ARID3C: variants seen among roughly 807,000 people sequenced by gnomAD.
The protein encoded by ARID3C is AT-rich interaction domain 3C.
ARID3C carries 42 observed loss-of-function variants against 37.9 expected under a neutral mutation model. The observed-to-expected ratio is 1.11, with a 90% confidence interval of 0.87 to 1.43. The LOEUF (loss-of-function observed/expected upper bound fraction) is 1.43. Ranked by LOEUF, ARID3C falls within the 40% of genes most tolerant of loss-of-function variation. ARID3C has a pLI of 0.00. For missense variants in ARID3C, 581 were observed against 548.8 expected (o/e 1.06, Z -0.59); for synonymous variants, 213 against 228.0 (o/e 0.93, Z 0.59).
chr9:34,625,729 T>A lies in ARID3C; in HGVS notation c.391+13A>T. On this transcript the variant is annotated intron_variant, in intron 2 of 6. Transcript: ENST00000378909. The stretch of plus-strand genomic sequence containing the variant: ...GCAATTCCAGGGCCCTTCCCCCACA[T>A]CATGCCACTCACCCCTCTTTTGCAT... The A allele has an allele frequency of 6.2e-7, 1 of 1,613,626 alleles. No homozygotes were observed. Among genetic ancestry groups the A allele is most frequent in the Middle Eastern group, 1.7e-4 (1 of 6,030 alleles).
upstream of ARID3C, among the ~76,000 whole-genome samples, chr9:34,632,418 A>T (rs1820730228): frequency 6.6e-6 from 1 of 152,192 alleles, no homozygotes; most frequent in Non-Finnish European, 1.5e-5. Flanking sequence ...GCCTTGGAGT[A>T]GGCCCTTGTA....
intron 2 of ARID3C, 143 bp from the exon 4 acceptor site, chr9:34,624,190 G>T: frequency 4.4e-6 from 4 of 902,972 alleles, no homozygotes; most frequent in Non-Finnish European, 4.7e-6. Context: ...CAGGGTCTCT[G>T]TTTTAGCAAG....
chr9:34,629,792 A>G (rs1452636651), upstream of ARID3C, among the ~76,000 whole-genome samples: 1 of 151,572 alleles, frequency 6.6e-6, no homozygotes, highest in East Asian at 1.9e-4. Context: ...AGTCTCTGTC[A>G]CCCAGGCTGG....
At position 34,628,046 on chromosome 9, in the gene ARID3C, G is replaced by A; in HGVS notation, c.-32C>T. ...TTCCAGGCGCAGTCCCCCAGCTGAG[G>A]GGGTCCCTGGTACCAGGCGGGACCC... On this transcript the variant is annotated 5_prime_UTR_variant, in exon 1 of 7. Transcript: ENST00000378909. The surrounding 1 kb of genome is among the most constrained non-coding windows in gnomAD (Gnocchi z 5.2). 3 of 1,453,572 alleles carry A rather than the reference G, an allele frequency of 2.1e-6. No homozygotes were observed. The highest frequency in any genetic ancestry group is 2.9e-5 in the African/African-American group (2 of 69,980). 90.0% of individuals were successfully genotyped at this position (1,453,572 alleles called of 1,614,324 possible). A position where few individuals can be genotyped will look rare whatever the true frequency, so the allele number is the denominator to read the frequency against.
At chr9:34,622,848 G>A (rs925505636) in intron 4 of ARID3C, among the ~76,000 whole-genome samples, 1 of 152,158 alleles carries the variant, frequency 6.6e-6, no homozygotes, top group Non-Finnish European at 1.5e-5. Context: ...GAGTTGCTGT[G>A]ATTAAAGGAC....
chr9:34,628,143 CAG>C (rs748038310), upstream of ARID3C: 84 of 1,262,248 alleles, frequency 6.7e-5, no homozygotes, highest in Non-Finnish European at 8.5e-5. This position sits in a 1 kb window ranked among gnomAD's most constrained non-coding sequence, Gnocchi z 5.2. Flanking sequence ...CCCCCCAACA[CAG>C]GGGGAGGTGG....
chr9:34,632,202 C>A (rs1470533662), upstream of ARID3C, among the ~76,000 whole-genome samples: 1 of 152,194 alleles, frequency 6.6e-6, no homozygotes, highest in Non-Finnish European at 1.5e-5. Flanking sequence ...TTGAAGAACT[C>A]AGTGAGCAGG....
exon 1 of ARID3C, chr9:34,627,769 G>A (rs1820676184): frequency 1.9e-6 from 3 of 1,614,156 alleles, no homozygotes; most frequent in East Asian, 2.2e-5. Context: ...GCGAGCTGGG[G>A]CCCTGGGCCC....
At chr9:34,622,632 C>A in intron 4 of ARID3C, 103 bp from the exon 6 acceptor site, 1 of 1,185,850 alleles carries the variant, frequency 8.4e-7, no homozygotes. Context: ...GCTCATGTAC[C>A]AATCTCTCAT....
At chr9:34,621,087 G>A (rs1036635627), downstream of ARID3C, among the ~76,000 whole-genome samples, 3 of 152,180 alleles carry the variant, frequency 2.0e-5, no homozygotes, top group African/African-American at 7.2e-5. Context: ...GATGTGACCT[G>A]AGGGATGTCT....
chr9:34,628,304 G>A (rs566724904), upstream of ARID3C, among the ~76,000 whole-genome samples: 1 of 152,322 alleles, frequency 6.6e-6, no homozygotes, highest in African/African-American at 2.4e-5. The surrounding 1 kb of genome is among the most constrained non-coding windows in gnomAD (Gnocchi z 5.2). Flanking sequence ...GGGTGACGGG[G>A]ACCAAGAGAC....
In ARID3C at chr9:34,625,617, G is replaced by A. The variant is rs546902004; in HGVS notation, c.391+125C>T. ...GGGGACAGGGTCAGAGGTTAAAGAC[G>A]CTATCGAGGGCCCAAAGGACAGGTG... On this transcript the variant is annotated intron_variant, in intron 2 of 6. Transcript: ENST00000378909. The A allele has an allele frequency of 2.7e-4, 238 of 867,516 alleles. 3 individuals carry two copies. The South Asian group carries it at 3.4e-3, about 13-fold the overall frequency. 53.7% of individuals were successfully genotyped at this position (867,516 alleles called of 1,614,324 possible).
At position 34,622,115 on chromosome 9, in the gene ARID3C, C is replaced by T. The variant is rs759087517; in HGVS notation, c.1049-6G>A. 2 of 1,613,772 alleles carry T rather than the reference C, an allele frequency of 1.2e-6. No homozygotes were observed. Among genetic ancestry groups the T allele is most frequent in the Admixed American group, 3.3e-5 (2 of 60,004 alleles). The stretch of plus-strand genomic sequence containing the variant: ...AGGCCCATCCAGCCGCTCTTCTGTC[C>T]AGGAGGGGGCAGAGGAATCACATTT... On this transcript the variant is annotated splice_region_variant and splice_polypyrimidine_tract_variant and intron_variant, in intron 5 of 6. Transcript: ENST00000378909.
At chr9:34,632,514 C>T (rs182658976), upstream of ARID3C, among the ~76,000 whole-genome samples, 8 of 152,226 alleles carry the variant, frequency 5.3e-5, no homozygotes, top group Admixed American at 5.2e-4. Flanking sequence ...GCGTGGAGAA[C>T]CCTCCACACA....
intron 1 of ARID3C, 78 bp downstream of exon 2, chr9:34,627,619 C>A (rs1820672969): frequency 4.4e-5 from 61 of 1,371,052 alleles, no homozygotes; most frequent in Non-Finnish European, 6.0e-5. Flanking sequence ...GGTGGGTGGG[C>A]TGCTAATCAC....
upstream of ARID3C, among the ~76,000 whole-genome samples, chr9:34,629,307 C>A (rs572114923): frequency 1.2e-3 from 183 of 152,230 alleles, no homozygotes; most frequent in Non-Finnish European, 2.2e-3. Flanking sequence ...GTGCCCCCGA[C>A]ACCCACACTC....
chr9:34,627,663 G>C, intron 1 of ARID3C, 34 bp downstream of exon 2: 19 of 1,546,582 alleles, frequency 1.2e-5, no homozygotes, highest in Non-Finnish European at 1.7e-5. Flanking sequence ...GAGAGATAGG[G>C]AAGAGGGCCG....
In ARID3C at chr9:34,627,944, G is replaced by A. The variant is rs200716567; in HGVS notation, c.71C>T (p.Pro24Leu). 8.8e-5 allele frequency: 137 copies of A among 1,550,108 alleles called. No individual in the cohort carries two copies. Among genetic ancestry groups the A allele is most frequent in the Non-Finnish European group, 1.2e-4 (134 of 1,146,040 alleles). Residue 24 changes from proline (P) to leucine (L), a missense_variant, in exon 1 of 7, where the codon CCG (proline) becomes CTG (leucine). Physicochemically the swap from Pro to Leu is moderately conservative, Grantham distance 98. Coordinates refer to ENST00000378909, the Ensembl canonical transcript of ARID3C. ...CAGGGGAGGCTGCGGTGGCAGCAGC[G>A]GGCATGCAGGGGCCAATGGCCCCAC...
chr9:34,627,877 C>A (rs745583430), exon 1 of ARID3C: 5 of 1,573,944 alleles, frequency 3.2e-6, no homozygotes, highest in Non-Finnish European at 4.3e-6. Flanking sequence ...CCCCAACATT[C>A]CCCAAGGCCC....
Sources: allele counts gnomAD v4.1 joint callset (sites outside exome capture counted in the v4.1 genomes callset), GRCh38; gene constraint gnomAD v4.1.1; non-coding constraint Gnocchi (gnomAD v3.1); transcripts MANE v1.5; gene names NCBI Gene and HGNC (gene_info 2026-07-23, HGNC 2026-07-21).